The following ST7 variants were observed in gnomAD, a reference collection of about 807,000 sequenced individuals.
The protein encoded by ST7 is suppression of tumorigenicity 7.
ST7 carries 28 observed loss-of-function variants against 78.7 expected under a neutral mutation model. That is an observed-to-expected ratio of 0.36 (90% confidence interval 0.26 to 0.49). The LOEUF (loss-of-function observed/expected upper bound fraction) is 0.49, where lower values mean the gene tolerates loss of function less well. Among genes scored for constraint, ST7 ranks in the 20% least tolerant of loss-of-function variants. The pLI, the probability that ST7 is intolerant of heterozygous loss-of-function variation, is 0.99. For synonymous variants in ST7, 247 were observed against 249.6 expected (o/e 0.99, Z 0.10); for missense variants, 418 against 696.0 (o/e 0.60, Z 4.49).
intron 1 of ST7, among the ~76,000 whole-genome samples, chr7:117,023,366 C>A (rs1034346813): frequency 1.3e-5 from 2 of 152,122 alleles, no homozygotes; most frequent in South Asian, 2.1e-4. Context: ...TTAATAAATG[C>A]TCTTTTATGC....
chr7:117,107,642 T>C (rs1802085281), intron 2 of ST7, among the ~76,000 whole-genome samples: 1 of 147,240 alleles, frequency 6.8e-6, no homozygotes, highest in South Asian at 2.2e-4. Context: ...GACAGAATTT[T>C]CACTCTTGTT....
At chr7:117,055,732 G>C (rs959082877) in intron 1 of ST7, among the ~76,000 whole-genome samples, 2 of 152,242 alleles carry the variant, frequency 1.3e-5, no homozygotes, top group Non-Finnish European at 2.9e-5. Context: ...CCCCTTTCTG[G>C]TACTATTGCT....
At chr7:117,105,044 G>GA (rs1279693201) in intron 2 of ST7, among the ~76,000 whole-genome samples, 1 of 152,126 alleles carries the variant, frequency 6.6e-6, no homozygotes, top group Non-Finnish European at 1.5e-5. Flanking sequence ...GGTAATACAT[G>GA]ATTACTAGGG....
At chr7:117,148,305 T>C (rs571261466) in intron 9 of ST7, among the ~76,000 whole-genome samples, 3 of 152,212 alleles carry the variant, frequency 2.0e-5, no homozygotes, top group Non-Finnish European at 4.4e-5. Context: ...TTTTAACATA[T>C]GTTAAGAATA....
chr7:116,972,610 T>A, intron 1 of ST7: 3 of 1,401,374 alleles, frequency 2.1e-6, no homozygotes, highest in Non-Finnish European at 3.0e-6. Flanking sequence ...CTTTTCTTCA[T>A]CTTTTAAGGG....
chr7:117,223,020 C>G (rs374088763), intron 15 of ST7: 25 of 1,429,274 alleles, frequency 1.7e-5, no homozygotes, highest in Non-Finnish European at 2.5e-5. Flanking sequence ...AACTGCTCCT[C>G]CTCCTGTATT....
intron 9 of ST7, among the ~76,000 whole-genome samples, chr7:117,163,732 T>C (rs1807330646): frequency 6.6e-6 from 1 of 152,204 alleles, no homozygotes; most frequent in Non-Finnish European, 1.5e-5. Flanking sequence ...TTTTCTCCTA[T>C]AGGTTGTCCG....
At chr7:117,166,108 G>T (rs1807536163) in intron 9 of ST7, among the ~76,000 whole-genome samples, 1 of 152,088 alleles carries the variant, frequency 6.6e-6, no homozygotes, top group East Asian at 1.9e-4. Context: ...TAGAAAATAT[G>T]AAGGAAGAAA....
chr7:117,127,424 A>AT (rs1803943389), intron 3 of ST7, among the ~76,000 whole-genome samples: 1 of 151,940 alleles, frequency 6.6e-6, no homozygotes, highest in Non-Finnish European at 1.5e-5. Context: ...AGAAATTAAC[A>AT]TAGCTGTGGC....
At chr7:116,965,057 C>G (rs576845477) in intron 1 of ST7, among the ~76,000 whole-genome samples, 8 of 152,190 alleles carry the variant, frequency 5.3e-5, no homozygotes, top group African/African-American at 1.9e-4. Context: ...ATTCCATGGA[C>G]GGCCGGGCGC....
At chr7:116,968,438 G>T (rs1458694149) in intron 1 of ST7, 1 of 452,654 alleles carries the variant, frequency 2.2e-6, no homozygotes, top group Admixed American at 2.4e-5. Flanking sequence ...GAATTCCTGG[G>T]CTCAAGCAAT....
intron 1 of ST7, among the ~76,000 whole-genome samples, chr7:117,059,807 CAA>C (rs35792944): frequency 2.2e-4 from 7 of 31,996 alleles, no homozygotes; most frequent in South Asian, 2.3e-3. Context: ...TTCATCTCTG[CAA>C]AAAAAAAAAA....
intron 1 of ST7, among the ~76,000 whole-genome samples, chr7:117,096,067 C>CAAAAAAA (rs35970973): frequency 4.8e-4 from 17 of 35,714 alleles, no homozygotes; most frequent in East Asian, 1.2e-3. Context: ...GATTCTGCCT[C>CAAAAAAA]AAAAAAAAAA....
chr7:117,043,888 GAAGATA>G (rs1797357527), intron 1 of ST7, among the ~76,000 whole-genome samples: 1 of 152,192 alleles, frequency 6.6e-6, no homozygotes, highest in African/African-American at 2.4e-5. Flanking sequence ...GCCTGAAGAT[GAAGATA>G]ATGATCTGTA....
intron 1 of ST7, among the ~76,000 whole-genome samples, chr7:116,999,173 T>C (rs1794811528): frequency 6.6e-6 from 1 of 152,188 alleles, no homozygotes; most frequent in Non-Finnish European, 1.5e-5. Context: ...ATATCTTTCC[T>C]TCTTTCTTTT....
At chr7:116,987,302 A>G (rs770159598) in intron 1 of ST7, among the ~76,000 whole-genome samples, 12 of 152,286 alleles carry the variant, frequency 7.9e-5, no homozygotes, top group South Asian at 2.1e-4. Flanking sequence ...GTGAGTCCCC[A>G]TGAACTGGTA....
intron 1 of ST7, among the ~76,000 whole-genome samples, chr7:117,011,054 C>T (rs1289029984): frequency 6.6e-6 from 1 of 152,218 alleles, no homozygotes; most frequent in African/African-American, 2.4e-5. Context: ...ACCCAGGCCA[C>T]ATTGTCCTAA....
intron 1 of ST7, among the ~76,000 whole-genome samples, chr7:117,033,719 G>A (rs962338737): frequency 2.6e-5 from 4 of 151,940 alleles, no homozygotes; most frequent in Admixed American, 1.3e-4. Context: ...CCAGCACGCC[G>A]AGCCTCATCC....
chr7:116,968,835 G>C (rs1159572987), intron 1 of ST7, among the ~76,000 whole-genome samples: 1 of 152,164 alleles, frequency 6.6e-6, no homozygotes, highest in Non-Finnish European at 1.5e-5. Flanking sequence ...ATGAGAATGT[G>C]CATCTGCTTG....
Sources: gnomAD v4.1 joint callset for allele counts (sites outside exome capture counted in the v4.1 genomes callset) on GRCh38, gnomAD v4.1.1 for gene constraint, MANE v1.5 for transcripts, NCBI Gene and HGNC (gene_info 2026-07-23, HGNC 2026-07-21) for gene names.